FRMD4A: variants seen among roughly 807,000 people sequenced by gnomAD.
FRMD4A encodes the protein FERM domain-containing protein 4A.
A neutral mutation model predicts 129.1 loss-of-function variants in FRMD4A; 29 were observed. The observed-to-expected ratio is 0.22, with a 90% CI of 0.17 to 0.31. The LOEUF (loss-of-function observed/expected upper bound fraction) is 0.31. Among genes scored for constraint, FRMD4A ranks in the 10% least tolerant of loss-of-function variants. FRMD4A has a pLI of 1.00. For missense variants in FRMD4A, 1,272 were observed against 1,375.8 expected, an observed-to-expected ratio of 0.92 and a Z score of 1.19; for synonymous variants, 634 against 571.6, an observed-to-expected ratio of 1.11 and a Z score of -1.56.
intron 2 of FRMD4A, among the ~76,000 whole-genome samples, chr10:14,121,558 C>T (rs1428070697): frequency 1.3e-5 from 2 of 152,162 alleles, no homozygotes; most frequent in Non-Finnish European, 2.9e-5. Flanking sequence ...TCACCTGTTA[C>T]CTGGAGTGAA....
At chr10:13,678,994 C>G (rs927800861) in intron 15 of FRMD4A, among the ~76,000 whole-genome samples, 1 of 152,080 alleles carries the variant, frequency 6.6e-6, no homozygotes, top group African/African-American at 2.4e-5. Context: ...ATAGGACACT[C>G]GAACACATTC....
At chr10:14,117,412 G>A (rs775343244) in intron 2 of FRMD4A, among the ~76,000 whole-genome samples, 1 of 152,202 alleles carries the variant, frequency 6.6e-6, no homozygotes, top group African/African-American at 2.4e-5. Context: ...TGGGACCAGT[G>A]CCCTCTACTT....
intron 5 of FRMD4A, among the ~76,000 whole-genome samples, chr10:13,788,619 T>C (rs569191012): frequency 6.6e-6 from 1 of 152,314 alleles, no homozygotes; most frequent in Non-Finnish European, 1.5e-5. Flanking sequence ...GGGCATCTAT[T>C]TGAGTCTAAA....
chr10:14,172,098 G>A lies in FRMD4A; in HGVS notation c.45+157960C>T, dbSNP rs546374115. On this transcript the variant is annotated intron_variant, in intron 2 of 24. Coordinates refer to ENST00000357447, the MANE Select transcript of FRMD4A (RefSeq NM_018027.5). ...TTCCCTCAGTCATGATGATATTGTA[G>A]GTCACTGAATTCAAATGCAGTTTGA... Among the ~76,000 whole-genome samples the A allele has an allele frequency of 3.9e-5, 6 of 152,156 alleles. No individual in the cohort carries two copies. In the East Asian group the frequency reaches 1.2e-3, roughly 29 times the overall value.
intron 2 of FRMD4A, among the ~76,000 whole-genome samples, chr10:14,028,347 T>C (rs574782012): frequency 2.0e-5 from 3 of 152,174 alleles, no homozygotes; most frequent in Non-Finnish European, 4.4e-5. Context: ...GTGATTGAAG[T>C]AATCTTACAT....
intron 2 of FRMD4A, among the ~76,000 whole-genome samples, chr10:14,242,109 C>T (rs1310126200): frequency 1.3e-5 from 2 of 152,162 alleles, no homozygotes; most frequent in African/African-American, 4.8e-5. Context: ...CTAAGTACAC[C>T]AGGCTTGAGA....
In FRMD4A at chr10:13,840,614, C is replaced by G. The variant is rs566878031; in HGVS notation, c.111+18233G>C. Among the ~76,000 whole-genome samples, 6 of 150,852 alleles carry G rather than the reference C, an allele frequency of 4.0e-5. No individual in the cohort carries two copies. In the East Asian group the frequency reaches 1.2e-3, roughly 29 times the overall value. ...AACCAGTCTGGCCAACATGGTGAAA[C>G]CCCGTCTCTACTAAAAATATGAAAA... On this transcript the variant is annotated intron_variant, in intron 3 of 24. Transcript: ENST00000357447.
intron 2 of FRMD4A, among the ~76,000 whole-genome samples, chr10:13,944,161 C>T: frequency 6.6e-6 from 1 of 152,200 alleles, no homozygotes; most frequent in East Asian, 1.9e-4. Flanking sequence ...ACTGGCTGCA[C>T]AGCAGGAGGC....
rs775930059 is a variant in FRMD4A, at chr10:13,876,337, G to T, written c.46-17425C>A. 3.9e-5 allele frequency among the ~76,000 whole-genome samples: 6 copies of T among 152,206 alleles called. No individual in the cohort carries two copies. The South Asian group carries it at 1.2e-3, about 32-fold the overall frequency. On this transcript the variant is annotated intron_variant, in intron 2 of 24. Transcript: ENST00000357447. ...GTTTGGTGAAACAAATTTTTACAAC[G>T]TTCACTCAGTGCTTCAGAAAGCTTA...
intron 15 of FRMD4A, chr10:13,684,810 A>T (rs2084928026): frequency 1.0e-6 from 1 of 985,026 alleles, no homozygotes; most frequent in African/African-American, 1.7e-5. Context: ...CAAAGAAGAA[A>T]GGAATCGGTT....
chr10:14,043,246 G>A (rs1448461599), intron 2 of FRMD4A, among the ~76,000 whole-genome samples: 1 of 152,128 alleles, frequency 6.6e-6, no homozygotes, highest in African/African-American at 2.4e-5. Flanking sequence ...ATATTTCTGA[G>A]GGATTTTTTT....
intron 3 of FRMD4A, among the ~76,000 whole-genome samples, chr10:13,820,320 C>G (rs892860801): frequency 6.6e-6 from 1 of 151,804 alleles, no homozygotes; most frequent in Non-Finnish European, 1.5e-5. Flanking sequence ...TTGGTTGTGA[C>G]ATGAGTGATC....
At chr10:14,138,611 T>C (rs913470913) in intron 2 of FRMD4A, among the ~76,000 whole-genome samples, 4 of 151,814 alleles carry the variant, frequency 2.6e-5, no homozygotes, top group Admixed American at 2.6e-4. Flanking sequence ...ATACAAAAAT[T>C]AGCCAGGCCG....
chr10:14,132,438 G>A (rs2131829948), intron 2 of FRMD4A, among the ~76,000 whole-genome samples: 1 of 152,340 alleles, frequency 6.6e-6, no homozygotes, highest in East Asian at 1.9e-4. Context: ...AGGGGAGGCT[G>A]CCTGGGGTCT....
At chr10:13,962,916 TTA>T (rs1287193493) in intron 2 of FRMD4A, among the ~76,000 whole-genome samples, 3 of 152,218 alleles carry the variant, frequency 2.0e-5, no homozygotes, top group African/African-American at 7.2e-5. Flanking sequence ...AAAATATCCC[TTA>T]TGTCATGTCA....
chr10:14,071,907 T>C (rs1835336484), intron 2 of FRMD4A, among the ~76,000 whole-genome samples: 1 of 152,086 alleles, frequency 6.6e-6, no homozygotes, highest in Admixed American at 6.5e-5. Context: ...AAGGAGGTGG[T>C]AGGAAGGGTT....
chr10:13,705,831 G>C (rs2087369358), intron 13 of FRMD4A, among the ~76,000 whole-genome samples: 1 of 152,172 alleles, frequency 6.6e-6, no homozygotes, highest in Non-Finnish European at 1.5e-5. Flanking sequence ...ACTCTCAGCT[G>C]CTCTCCACTA....
At chr10:14,062,893 C>A (rs936210400) in intron 2 of FRMD4A, among the ~76,000 whole-genome samples, 5 of 152,204 alleles carry the variant, frequency 3.3e-5, no homozygotes, top group Non-Finnish European at 7.3e-5. Flanking sequence ...GGGTGGGCAA[C>A]CTACAGTGTC....
intron 4 of FRMD4A, among the ~76,000 whole-genome samples, chr10:13,809,538 G>T (rs1249973046): frequency 6.6e-6 from 1 of 152,092 alleles, no homozygotes; most frequent in African/African-American, 2.4e-5. Flanking sequence ...TGCAGTGCTG[G>T]GTCCTTCCCC....
Sources: allele counts gnomAD v4.1 joint callset (sites outside exome capture counted in the v4.1 genomes callset), GRCh38; gene constraint gnomAD v4.1.1; transcripts MANE v1.5; gene names NCBI Gene and HGNC (gene_info 2026-07-23, HGNC 2026-07-21).